Variants in PLEKHB2 observed in about 807,000 individuals in gnomAD.
The protein encoded by PLEKHB2 is pleckstrin homology domain-containing family B member 2.
Under a neutral mutation model 36.5 loss-of-function variants are expected in PLEKHB2, and 31 were observed. That is an observed-to-expected ratio of 0.85 (90% confidence interval 0.64 to 1.15). The LOEUF (loss-of-function observed/expected upper bound fraction) is 1.15. Among genes scored for constraint, PLEKHB2 ranks in the 50% most tolerant of loss-of-function variants. The pLI is 0.00. For synonymous variants in PLEKHB2, 119 were observed against 112.0 expected (o/e 1.06, Z -0.39); for missense variants, 262 against 295.3 (o/e 0.89, Z 0.83).
At chr2:131,117,075 T>TAGTGC (rs1047374966) in intron 1 of PLEKHB2, among the ~76,000 whole-genome samples, 9 of 151,804 alleles carry the variant, frequency 5.9e-5, no homozygotes, top group African/African-American at 2.2e-4. Flanking sequence ...TGAGCCTAGA[T>TAGTGC]AGTGCCATTG....
intron 7 of PLEKHB2, among the ~76,000 whole-genome samples, chr2:131,146,319 C>T (rs912537030): frequency 1.3e-4 from 20 of 152,120 alleles, no homozygotes; most frequent in Non-Finnish European, 1.8e-4. Flanking sequence ...TCCCATGTTC[C>T]CCATTTGTCT....
intron 5 of PLEKHB2, among the ~76,000 whole-genome samples, chr2:131,132,124 C>T (rs1317116248): frequency 6.6e-6 from 1 of 152,080 alleles, no homozygotes; most frequent in Non-Finnish European, 1.5e-5. Flanking sequence ...AGCCATTGCG[C>T]CTGGCCACTT....
At chr2:131,111,428 G>T (rs1573521561) in intron 1 of PLEKHB2, among the ~76,000 whole-genome samples, 1 of 124,314 alleles carries the variant, frequency 8.0e-6, no homozygotes, top group African/African-American at 3.1e-5. Flanking sequence ...TCCAACTCTT[G>T]TATTGAATTT....
In PLEKHB2 at chr2:131,147,614, C is replaced by G. The variant is rs542923914; in HGVS notation, c.*841C>G. The stretch of plus-strand genomic sequence containing the variant: ...GAGATCGAGACCATCCTGGCTAACA[C>G]GGTGAAACCCCATCTCTACTAAAAA... On this transcript the variant is annotated 3_prime_UTR_variant, in exon 8 of 8. Coordinates refer to ENST00000693505, the MANE Select transcript of PLEKHB2 (RefSeq NM_001100623.2). The G allele has an allele frequency of 6.6e-6, 1 of 152,040 alleles. No individual in the cohort carries two copies. The highest frequency in any genetic ancestry group is 2.1e-4 in the South Asian group (1 of 4,816). 9.4% of individuals were successfully genotyped at this position (152,040 alleles called of 1,614,324 possible).
chr2:131,125,150 A>C (rs1696971080), intron 2 of PLEKHB2, among the ~76,000 whole-genome samples: 1 of 152,200 alleles, frequency 6.6e-6, no homozygotes, highest in Non-Finnish European at 1.5e-5. Context: ...ACAGTCCAGC[A>C]TTTTCTGATC....
At chr2:131,121,218 C>G (rs1696478234) in intron 2 of PLEKHB2, among the ~76,000 whole-genome samples, 1 of 152,144 alleles carries the variant, frequency 6.6e-6, no homozygotes, top group South Asian at 2.1e-4. Context: ...CTTTCGCTCT[C>G]CTCACTAGCA....
At chr2:131,146,611 A>C in intron 7 of PLEKHB2, 26 bp from the exon 8 acceptor site, 1 of 1,595,874 alleles carries the variant, frequency 6.3e-7, no homozygotes, top group Non-Finnish European at 8.5e-7. Flanking sequence ...GCTGCTCAGA[A>C]ATCTGCTATT....
chr2:131,128,791 A>G (rs961382758), intron 4 of PLEKHB2, among the ~76,000 whole-genome samples: 1 of 152,238 alleles, frequency 6.6e-6, no homozygotes, highest in Admixed American at 6.5e-5. Context: ...TGATGTCCAT[A>G]AAGTGTACAA....
At chr2:131,146,497 T>C in intron 7 of PLEKHB2, 140 bp from the exon 8 acceptor site, 1 of 761,646 alleles carries the variant, frequency 1.3e-6, no homozygotes, top group Non-Finnish European at 2.1e-6. Flanking sequence ...CCACATGATG[T>C]GCCTGTTGTG....
rs1391594293 is a variant in PLEKHB2 at position 131,128,151 on chromosome 2, T to C, written c.293+1365T>C. Among the ~76,000 whole-genome samples, 7 of 152,212 alleles carry C rather than the reference T, an allele frequency of 4.6e-5. No homozygotes were observed. The East Asian group carries it at 9.6e-4, about 21-fold the overall frequency. On this transcript the variant is annotated intron_variant, in intron 4 of 7. Transcript: ENST00000693505. ...GGGTAACACCTAGCCATCAAACTGT[T>C]GCTGGGCTGGACTGAGGTAGAACAG... is the stretch of plus-strand genomic sequence containing the variant.
intron 1 of PLEKHB2, among the ~76,000 whole-genome samples, chr2:131,111,668 T>A (rs1467249235): frequency 2.0e-5 from 3 of 151,922 alleles, no homozygotes; most frequent in African/African-American, 7.3e-5. Flanking sequence ...TTTTTGTATT[T>A]TTAGTAGAGA....
chr2:131,109,527 T>C lies in PLEKHB2; in HGVS notation c.-9+4129T>C, dbSNP rs186188493. ...CAACGTGGTAAAATCCCGTCTGTAC[T>C]AAAAGTACAAAAATCAGCTGTGCGT... On this transcript the variant is annotated intron_variant, in intron 1 of 7. Coordinates refer to ENST00000693505, the MANE Select transcript of PLEKHB2 (RefSeq NM_001100623.2). 1.5e-3 allele frequency among the ~76,000 whole-genome samples: 232 copies of C among 152,048 alleles called. 3 individuals carry two copies. The highest frequency in any genetic ancestry group is 0.01 in the South Asian group (50 of 4,808).
At chr2:131,139,462 C>T (rs1285096095) in intron 6 of PLEKHB2, among the ~76,000 whole-genome samples, 1 of 152,228 alleles carries the variant, frequency 6.6e-6, no homozygotes, top group Admixed American at 6.5e-5. Flanking sequence ...GGCTACAACT[C>T]TGTTCTCCCT....
At chr2:131,106,647 C>T (rs757251738) in intron 1 of PLEKHB2, among the ~76,000 whole-genome samples, 1 of 152,044 alleles carries the variant, frequency 6.6e-6, no homozygotes, top group African/African-American at 2.4e-5. Flanking sequence ...AAGTTCCTAA[C>T]CCTGGGCTGG....
intron 2 of PLEKHB2, among the ~76,000 whole-genome samples, chr2:131,124,700 G>A (rs1050173941): frequency 6.6e-6 from 1 of 152,168 alleles, no homozygotes; most frequent in Admixed American, 6.5e-5. Flanking sequence ...AGGAAGGGGG[G>A]AGCCTTCCAC....
At chr2:131,133,027 T>G (rs1429140555) in intron 6 of PLEKHB2, 36 bp downstream of exon 6, 1 of 1,387,908 alleles carries the variant, frequency 7.2e-7, no homozygotes, top group Non-Finnish European at 1.0e-6. Context: ...TGAGGGAAGT[T>G]TGGGGTCTCT....
intron 7 of PLEKHB2, among the ~76,000 whole-genome samples, chr2:131,143,869 G>A (rs1317058104): frequency 6.6e-6 from 1 of 152,206 alleles, no homozygotes; most frequent in Admixed American, 6.5e-5. Flanking sequence ...TATTGCAGAC[G>A]TGGTTGTTTA....
At chr2:131,123,563 C>T (rs373952896) in intron 2 of PLEKHB2, among the ~76,000 whole-genome samples, 38 of 152,146 alleles carry the variant, frequency 2.5e-4, no homozygotes, top group Non-Finnish European at 4.6e-4. Context: ...CTTGCTTTGT[C>T]GCCCAGGCTG....
At chr2:131,129,122 C>T (rs953870180) in intron 4 of PLEKHB2, among the ~76,000 whole-genome samples, 1 of 152,128 alleles carries the variant, frequency 6.6e-6, no homozygotes, top group African/African-American at 2.4e-5. Context: ...GTCAGGAGTT[C>T]GAGACCAGCC....
Sources: allele counts gnomAD v4.1 joint callset (sites outside exome capture counted in the v4.1 genomes callset), GRCh38; gene constraint gnomAD v4.1.1; transcripts MANE v1.5; gene names NCBI Gene and HGNC (gene_info 2026-07-23, HGNC 2026-07-21).